Variants in TBL1XR1 observed in about 807,000 individuals in gnomAD.
TBL1XR1 encodes TBL1X/Y related 1, also known as F-box-like/WD repeat-containing protein TBL1XR1.
In TBL1XR1, 5 loss-of-function variants were observed where a neutral mutation model predicts 66.9. That is an observed-to-expected ratio of 0.07 (90% CI 0.04 to 0.16). The LOEUF (loss-of-function observed/expected upper bound fraction) is 0.16. TBL1XR1 is among the 10% of genes least tolerant of loss of function. TBL1XR1 has a pLI of 1.00. For synonymous variants in TBL1XR1, 210 were observed against 206.0 expected, an observed-to-expected ratio of 1.02 and a Z score of -0.17; for missense variants, 238 against 623.2, an observed-to-expected ratio of 0.38 and a Z score of 6.58.
intron 2 of TBL1XR1, among the ~76,000 whole-genome samples, chr3:177,095,217 G>A (rs189635131): frequency 6.6e-6 from 1 of 151,922 alleles, no homozygotes; most frequent in Non-Finnish European, 1.5e-5. Flanking sequence ...AGGGGGAGAG[G>A]GGGGTGTTGG....
At chr3:177,062,228 T>C (rs1718606246) in intron 3 of TBL1XR1, among the ~76,000 whole-genome samples, 1 of 152,236 alleles carries the variant, frequency 6.6e-6, no homozygotes, top group Admixed American at 6.5e-5. Flanking sequence ...GATGTACATG[T>C]ATTCCATGTT....
At chr3:177,118,771 A>C (rs62296573) in intron 1 of TBL1XR1, among the ~76,000 whole-genome samples, 1 of 152,180 alleles carries the variant, frequency 6.6e-6, no homozygotes, top group Non-Finnish European at 1.5e-5. Flanking sequence ...TGAATACATT[A>C]TAATATATGG....
At chr3:177,148,280 T>C (rs1301716239) in intron 1 of TBL1XR1, among the ~76,000 whole-genome samples, 6 of 152,252 alleles carry the variant, frequency 3.9e-5, no homozygotes, top group African/African-American at 1.2e-4. Context: ...TTTACTGTTG[T>C]GGACATCTAT....
chr3:177,064,859 A>G, intron 3 of TBL1XR1, 61 bp downstream of exon 3: 2 of 1,171,046 alleles, frequency 1.7e-6, no homozygotes, highest in South Asian at 2.8e-5. Flanking sequence ...CAAATGCATA[A>G]AAGATTATTT....
chr3:177,188,733 A>G (rs1019789769), intron 1 of TBL1XR1, among the ~76,000 whole-genome samples: 3 of 152,180 alleles, frequency 2.0e-5, no homozygotes, highest in Non-Finnish European at 4.4e-5. Flanking sequence ...TTCATTTCAC[A>G]TAAATCTCCT....
intron 1 of TBL1XR1, among the ~76,000 whole-genome samples, chr3:177,112,109 T>TATATATA (rs1560188974): frequency 1.2e-3 from 46 of 36,900 alleles, no homozygotes; most frequent in African/African-American, 2.2e-3. Flanking sequence ...ATATATATAT[T>TATATATA]TTTTTTTTTT....
intron 1 of TBL1XR1, among the ~76,000 whole-genome samples, chr3:177,174,944 A>G (rs1156313930): frequency 2.0e-5 from 3 of 152,136 alleles, no homozygotes; most frequent in Non-Finnish European, 4.4e-5. Context: ...CCTGCTTACC[A>G]ATTTCCAGCT....
intron 1 of TBL1XR1, among the ~76,000 whole-genome samples, chr3:177,142,998 T>C (rs1729805330): frequency 6.6e-6 from 1 of 151,898 alleles, no homozygotes; most frequent in Admixed American, 6.6e-5. Context: ...TGCCACGTTT[T>C]TGCATGTTTG....
chr3:177,194,802 A>C (rs1577459832), intron 1 of TBL1XR1, among the ~76,000 whole-genome samples: 5 of 152,230 alleles, frequency 3.3e-5, no homozygotes, highest in Admixed American at 6.5e-5. Context: ...TTAGGTGTCG[A>C]GAATACAAAT....
intron 1 of TBL1XR1, among the ~76,000 whole-genome samples, chr3:177,174,272 A>AGT (rs1409001352): frequency 6.6e-6 from 1 of 151,872 alleles, no homozygotes; most frequent in Admixed American, 6.6e-5. Context: ...AGCCGGCCGG[A>AGT]GTGGCAAGCA....
chr3:177,063,486 G>T (rs894097156), intron 3 of TBL1XR1, among the ~76,000 whole-genome samples: 1 of 152,126 alleles, frequency 6.6e-6, no homozygotes, highest in East Asian at 1.9e-4. Context: ...GGCTTAAAAG[G>T]TGATTAAATT....
chr3:177,051,688 C>T lies in TBL1XR1; in HGVS notation c.243G>A (p.Leu81=). The T allele has an allele frequency of 6.2e-7, 1 of 1,606,494 alleles. No homozygotes were observed. Among genetic ancestry groups the T allele is most frequent in the Non-Finnish European group, 8.5e-7 (1 of 1,174,916 alleles). The change falls in exon 5 of 16, where the codon CTG becomes CTA. Residue 81 remains leucine, a synonymous_variant. Transcript: ENST00000457928. Reference sequence around the variant, plus strand: ...CAGGCATTACGGCATCTATCAGGGACAGAGACTCTATTGGTCGACCATCAA... The same window carrying T: ...CAGGCATTACGGCATCTATCAGGGATAGAGACTCTATTGGTCGACCATCAA... ...TLFDGRPIES[L]SLIDAVMPDV... is the part of the protein sequence containing the mutation.
At chr3:177,090,937 C>T (rs966779229) in intron 2 of TBL1XR1, among the ~76,000 whole-genome samples, 1 of 152,064 alleles carries the variant, frequency 6.6e-6, no homozygotes, top group Non-Finnish European at 1.5e-5. Flanking sequence ...TGCAGTGAAT[C>T]ATGATCAGGC....
chr3:177,159,452 C>G (rs1417605202), intron 1 of TBL1XR1, among the ~76,000 whole-genome samples: 7 of 151,980 alleles, frequency 4.6e-5, no homozygotes, highest in African/African-American at 1.7e-4. Context: ...ATAGAAAAGT[C>G]AATATATATA....
chr3:177,110,087 C>T (rs1034587052), intron 1 of TBL1XR1, among the ~76,000 whole-genome samples: 2 of 152,114 alleles, frequency 1.3e-5, no homozygotes, highest in African/African-American at 4.8e-5. Context: ...GCTACAACTC[C>T]TAGGAGACCT....
chr3:177,093,520 G>C (rs1297206931), intron 2 of TBL1XR1, among the ~76,000 whole-genome samples: 1 of 152,002 alleles, frequency 6.6e-6, no homozygotes, highest in Admixed American at 6.6e-5. Flanking sequence ...GCCAAAGCAA[G>C]ACTAAGCCAA....
chr3:177,078,524 G>A (rs1720973676), intron 2 of TBL1XR1: 1 of 151,162 alleles, frequency 6.6e-6, no homozygotes, highest in African/African-American at 2.4e-5. Flanking sequence ...GTTTGAGGCT[G>A]TAGTGAGCTA....
intron 2 of TBL1XR1, among the ~76,000 whole-genome samples, chr3:177,085,035 A>G (rs1403492165): frequency 6.6e-6 from 1 of 152,206 alleles, no homozygotes; most frequent in Non-Finnish European, 1.5e-5. Flanking sequence ...TTCACCAGCT[A>G]GATTGAGCCA....
chr3:177,193,294 T>C (rs1467204456), intron 1 of TBL1XR1, among the ~76,000 whole-genome samples: 1 of 152,050 alleles, frequency 6.6e-6, no homozygotes, highest in African/African-American at 2.4e-5. Flanking sequence ...ACTTCAATGA[T>C]TTTTCTTACA....
Sources: gnomAD v4.1 joint callset for allele counts (sites outside exome capture counted in the v4.1 genomes callset) on GRCh38, gnomAD v4.1.1 for gene constraint, MANE v1.5 for transcripts, NCBI Gene and HGNC (gene_info 2026-07-23, HGNC 2026-07-21) for gene names.